The following DEK variants were observed in gnomAD, a reference collection of about 807,000 sequenced individuals.
DEK encodes protein DEK.
Under a neutral mutation model 46.8 loss-of-function variants are expected in DEK, and 28 were observed. The observed-to-expected ratio is 0.60, with a 90% CI of 0.44 to 0.82. The LOEUF is 0.82. DEK is among the 40% of genes least tolerant of loss of function. The pLI, the probability that DEK is intolerant of heterozygous loss-of-function variation, is 0.00. For missense variants in DEK, 416 were observed against 430.6 expected, an observed-to-expected ratio of 0.97 and a Z score of 0.30; for synonymous variants, 160 against 144.5, an observed-to-expected ratio of 1.11 and a Z score of -0.77.
chr6:18,230,619 A>G (rs1037415068), intron 9 of DEK, among the ~76,000 whole-genome samples: 1 of 152,230 alleles, frequency 6.6e-6, no homozygotes, highest in Non-Finnish European at 1.5e-5. Context: ...CAAAGATCAA[A>G]AGAGACAAAG....
At chr6:18,233,477 T>A (rs1289757936) in intron 9 of DEK, among the ~76,000 whole-genome samples, 1 of 152,168 alleles carries the variant, frequency 6.6e-6, no homozygotes, top group African/African-American at 2.4e-5. Flanking sequence ...ATATTCAGAA[T>A]CTACAAAGAA....
intron 2 of DEK, among the ~76,000 whole-genome samples, chr6:18,261,933 T>G (rs991005779): frequency 3.0e-4 from 46 of 152,166 alleles, no homozygotes; most frequent in Admixed American, 9.8e-4. Flanking sequence ...CTTTGGATGT[T>G]TGCCCCCTCC....
chr6:18,261,289 T>A (rs12198910), intron 2 of DEK, among the ~76,000 whole-genome samples: 4 of 152,072 alleles, frequency 2.6e-5, no homozygotes, highest in African/African-American at 9.7e-5. Context: ...TTCAGACTTG[T>A]AGGCCGGGCG....
At chr6:18,234,132 A>C (rs918884684) in intron 9 of DEK, among the ~76,000 whole-genome samples, 1 of 150,254 alleles carries the variant, frequency 6.7e-6, no homozygotes, top group African/African-American at 2.5e-5. Flanking sequence ...GTGGGAATTG[A>C]ACAATGAGAA....
chr6:18,236,667 G>A (rs1790663511), intron 8 of DEK, 67 bp from the exon 9 acceptor site: 2 of 1,161,316 alleles, frequency 1.7e-6, no homozygotes, highest in East Asian at 3.0e-5. Context: ...AGGCTGAGAT[G>A]AATTTTAAGC....
At chr6:18,262,199 G>C (rs1416207954) in intron 2 of DEK, among the ~76,000 whole-genome samples, 2 of 151,690 alleles carry the variant, frequency 1.3e-5, no homozygotes, top group African/African-American at 4.8e-5. Context: ...GCAAATACTG[G>C]CGCCATGCTT....
chr6:18,244,454 A>T, intron 7 of DEK: 1 of 898,662 alleles, frequency 1.1e-6, no homozygotes, highest in Non-Finnish European at 1.6e-6. Context: ...CAGAGGAATG[A>T]CATAAGCACT....
chr6:18,250,644 C>T (rs1791336264), intron 6 of DEK, among the ~76,000 whole-genome samples: 1 of 133,290 alleles, frequency 7.5e-6, no homozygotes, highest in African/African-American at 2.8e-5. Flanking sequence ...TACAAGTATG[C>T]ACCATCACGC....
chr6:18,255,646 G>A, intron 6 of DEK, 85 bp downstream of exon 6: 9 of 1,451,544 alleles, frequency 6.2e-6, no homozygotes, highest in Non-Finnish European at 8.3e-6. Flanking sequence ...AATACTGACA[G>A]CAATGCTGTT....
At chr6:18,241,487 C>T (rs992653583) in intron 7 of DEK, among the ~76,000 whole-genome samples, 1 of 152,172 alleles carries the variant, frequency 6.6e-6, no homozygotes, top group Non-Finnish European at 1.5e-5. Context: ...TTAATCCATA[C>T]TCTCAAAGTA....
At chr6:18,263,709 A>G in intron 2 of DEK, 134 bp downstream of exon 2, 1 of 1,574,120 alleles carries the variant, frequency 6.4e-7, no homozygotes, top group East Asian at 2.3e-5. Flanking sequence ...TAAATTGTGC[A>G]CACATTCTCG....
At chr6:18,255,501 A>T (rs1791559510) in intron 6 of DEK, among the ~76,000 whole-genome samples, 1 of 152,104 alleles carries the variant, frequency 6.6e-6, no homozygotes, top group Non-Finnish European at 1.5e-5. Context: ...ACATTAATTC[A>T]CTATTCTTAA....
In DEK at chr6:18,244,467, T is replaced by C. The variant is rs1278752687; in HGVS notation, c.762+5184A>G. 3.6e-6 allele frequency: 4 copies of C among 1,116,034 alleles called. No homozygotes were observed. In the Admixed American group the frequency reaches 9.6e-5, roughly 27 times the overall value. The allele number at this position is 1,116,034 out of a possible 1,614,324, so 69.1% of individuals were successfully genotyped here. A position where few individuals can be genotyped will look rare whatever the true frequency, so the allele number is the denominator to read the frequency against. On this transcript the variant is annotated intron_variant, in intron 7 of 10. Coordinates refer to ENST00000652689, the MANE Select transcript of DEK (RefSeq NM_003472.4). Reference sequence around the variant, plus strand: ...ATCAGAGGAATGACATAAGCACTTTTTGAAGGAAGGCAAAAAAAATCTTGG... The same window carrying C: ...ATCAGAGGAATGACATAAGCACTTTCTGAAGGAAGGCAAAAAAAATCTTGG...
At chr6:18,256,204 C>T (rs138868378) in intron 5 of DEK, among the ~76,000 whole-genome samples, 157 bp downstream of exon 5, 2,794 of 152,164 alleles carry the variant, frequency 0.018, 26 homozygotes, top group South Asian at 0.021. Context: ...TCAGGCTGGT[C>T]TCAAACTCCT....
intron 1 of DEK, 125 bp from the exon 2 acceptor site, chr6:18,264,121 G>A (rs1208064892): frequency 1.1e-5 from 9 of 836,574 alleles, no homozygotes; most frequent in Non-Finnish European, 1.6e-5. Flanking sequence ...TCCTCCCATA[G>A]CCGGGACCGC....
intron 1 of DEK, 158 bp downstream of exon 1, chr6:18,264,203 CCGCGCCCGCTGCCCCGCGTGCGCG>C (rs1325138280): frequency 6.0e-5 from 24 of 400,972 alleles, no homozygotes; most frequent in African/African-American, 1.3e-4. Context: ...AGGCGGGAAA[CCGCGCCCGCTGCCCCGCGTGCGCG>C]CGCGCCCGCC....
At chr6:18,237,860 CTTTTTTT>C (rs60332682) in intron 7 of DEK, among the ~76,000 whole-genome samples, 64 of 88,502 alleles carry the variant, frequency 7.2e-4, no homozygotes, top group African/African-American at 2.6e-3. Flanking sequence ...CAACTGGAAT[CTTTTTTT>C]TTTTTTTTTT....
intron 4 of DEK, among the ~76,000 whole-genome samples, chr6:18,256,929 T>C (rs898531790): frequency 6.6e-5 from 10 of 152,350 alleles, no homozygotes; most frequent in Non-Finnish European, 1.5e-4. Flanking sequence ...CTTGTGTAAA[T>C]TAAATTGGTT....
chr6:18,256,176 G>A (rs890826147), intron 5 of DEK, among the ~76,000 whole-genome samples, 185 bp downstream of exon 5: 4 of 151,852 alleles, frequency 2.6e-5, no homozygotes, highest in Non-Finnish European at 5.9e-5. Flanking sequence ...TAGTGGAGAC[G>A]GGGTTTCTCC....
Sources: gnomAD v4.1 joint callset for allele counts (sites outside exome capture counted in the v4.1 genomes callset) on GRCh38, gnomAD v4.1.1 for gene constraint, MANE v1.5 for transcripts, NCBI Gene and HGNC (gene_info 2026-07-23, HGNC 2026-07-21) for gene names.